Variants in CPEB1 observed in about 807,000 individuals in gnomAD.
The protein encoded by CPEB1 is cytoplasmic polyadenylation element-binding protein 1.
In CPEB1, 7 loss-of-function variants were observed where a neutral mutation model predicts 65.8. The observed-to-expected ratio is 0.11, with a 90% CI of 0.06 to 0.20. The LOEUF (loss-of-function observed/expected upper bound fraction) is 0.20, where lower values mean the gene tolerates loss of function less well. CPEB1 is among the 10% of genes least tolerant of loss of function. The pLI, the probability that CPEB1 is intolerant of heterozygous loss-of-function variation, is 1.00. For synonymous variants in CPEB1, 262 were observed against 260.0 expected, an observed-to-expected ratio of 1.01 and a Z score of -0.08; for missense variants, 551 against 712.2, an observed-to-expected ratio of 0.77 and a Z score of 2.58.
chr15:82,567,817 A>G (rs2039406325), intron 4 of CPEB1, among the ~76,000 whole-genome samples: 1 of 152,174 alleles, frequency 6.6e-6, no homozygotes, highest in African/African-American at 2.4e-5. Context: ...GGTCCCCCAC[A>G]GTAGTCTCAG....
intron 3 of CPEB1, among the ~76,000 whole-genome samples, chr15:82,577,940 A>C (rs2151084331): frequency 6.6e-6 from 1 of 152,152 alleles, no homozygotes; most frequent in East Asian, 2.0e-4. Context: ...GGAGATCGAG[A>C]CCATCCTGGC....
At chr15:82,642,603 A>C (rs939477845) in intron 1 of CPEB1, among the ~76,000 whole-genome samples, 1 of 152,192 alleles carries the variant, frequency 6.6e-6, no homozygotes, top group African/African-American at 2.4e-5. Flanking sequence ...AAAGGGTGCA[A>C]TCAGTGCTTC....
At chr15:82,635,358 G>A (rs1048779216) in intron 1 of CPEB1, among the ~76,000 whole-genome samples, 3 of 152,118 alleles carry the variant, frequency 2.0e-5, no homozygotes, top group African/African-American at 7.2e-5. Context: ...AAGTCTTCTA[G>A]CCAAATTTCT....
chr15:82,567,831 C>T (rs2039407470), intron 4 of CPEB1, among the ~76,000 whole-genome samples: 1 of 152,140 alleles, frequency 6.6e-6, no homozygotes, highest in African/African-American at 2.4e-5. Flanking sequence ...GTCTCAGTCA[C>T]CTCACTCTTC....
intron 7 of CPEB1, among the ~76,000 whole-genome samples, 154 bp downstream of exon 7, chr15:82,553,724 G>C (rs2036691738): frequency 6.6e-6 from 1 of 152,066 alleles, no homozygotes; most frequent in African/African-American, 2.4e-5. Context: ...GAGCACTATG[G>C]GGGTCTATGA....
At chr15:82,612,707 G>A (rs1052359583) in intron 3 of CPEB1, among the ~76,000 whole-genome samples, 11 of 148,598 alleles carry the variant, frequency 7.4e-5, no homozygotes, top group African/African-American at 1.7e-4. Flanking sequence ...GGTGGCAGGC[G>A]CCTGTAATCC....
intron 8 of CPEB1, 113 bp from the exon 9 acceptor site, chr15:82,552,729 C>A: frequency 1.6e-6 from 2 of 1,233,802 alleles, no homozygotes; most frequent in South Asian, 2.7e-5. Context: ...GTATAAGATA[C>A]ATTTTTGTTT....
At chr15:82,547,814 A>T (rs1407836020) in intron 10 of CPEB1, among the ~76,000 whole-genome samples, 2 of 151,912 alleles carry the variant, frequency 1.3e-5, no homozygotes, top group Non-Finnish European at 2.9e-5. Flanking sequence ...TGGGACTACA[A>T]GCATGAGCCA....
In CPEB1 at chr15:82,582,944, T is replaced by C. The variant is rs2041435358; in HGVS notation, c.272-11412A>G. On this transcript the variant is annotated intron_variant, in intron 3 of 12. Coordinates refer to ENST00000684509, the MANE Select transcript of CPEB1 (RefSeq NM_001365242.1). ...TTTTAGTAGAGATGGGGTTTCATCA[T>C]GTTAACCAGGATGGTCTTGATCTCC... Among the ~76,000 whole-genome samples, 5 of 152,004 alleles carry C rather than the reference T, an allele frequency of 3.3e-5. No homozygotes were observed. In the South Asian group the frequency reaches 1.0e-3, roughly 32 times the overall value.
intron 3 of CPEB1, among the ~76,000 whole-genome samples, chr15:82,572,305 A>T (rs1307417876): frequency 6.6e-6 from 1 of 152,204 alleles, no homozygotes; most frequent in Non-Finnish European, 1.5e-5. Flanking sequence ...CTTCAGAAAA[A>T]TACTGTACAC....
chr15:82,609,493 C>T (rs1193945404), intron 3 of CPEB1, among the ~76,000 whole-genome samples: 1 of 151,002 alleles, frequency 6.6e-6, no homozygotes, highest in Non-Finnish European at 1.5e-5. Context: ...AGAGCGAGAG[C>T]CTGTCTCAGA....
At chr15:82,637,795 G>A (rs919128331) in intron 1 of CPEB1, among the ~76,000 whole-genome samples, 3 of 151,910 alleles carry the variant, frequency 2.0e-5, no homozygotes, top group Non-Finnish European at 2.9e-5. Flanking sequence ...TTTGGTCTGA[G>A]GACTCCTTTA....
chr15:82,571,708 T>C, intron 3 of CPEB1, 176 bp from the exon 4 acceptor site: 9 of 1,431,072 alleles, frequency 6.3e-6, no homozygotes, highest in Non-Finnish European at 8.2e-6. Flanking sequence ...GCAAGAGCAG[T>C]TGCCATACAG....
chr15:82,625,090 T>C (rs1360567762), intron 3 of CPEB1, among the ~76,000 whole-genome samples: 2 of 152,162 alleles, frequency 1.3e-5, no homozygotes, highest in Non-Finnish European at 2.9e-5. Context: ...GCTCCAGCCT[T>C]AATTACAGGC....
chr15:82,599,904 A>G (rs1045136578), intron 3 of CPEB1, among the ~76,000 whole-genome samples: 1 of 152,358 alleles, frequency 6.6e-6, no homozygotes, highest in African/African-American at 2.4e-5. Flanking sequence ...TATACAATAC[A>G]TAAGGGAGAC....
intron 3 of CPEB1, chr15:82,572,035 C>G (rs182146226): frequency 1.1e-5 from 2 of 177,612 alleles, no homozygotes; most frequent in African/African-American, 4.8e-5. Context: ...CTGAAGTCCT[C>G]TCCGCCGACA....
At chr15:82,579,902 G>C (rs1158959595) in intron 3 of CPEB1, among the ~76,000 whole-genome samples, 51 of 109,930 alleles carry the variant, frequency 4.6e-4, no homozygotes, top group African/African-American at 1.7e-3. Flanking sequence ...CTGGGCGACA[G>C]AGTGAGACTC....
chr15:82,587,933 T>C (rs1015121317), intron 3 of CPEB1, among the ~76,000 whole-genome samples: 3 of 152,122 alleles, frequency 2.0e-5, no homozygotes, highest in African/African-American at 7.2e-5. Context: ...GTTTTTGTTT[T>C]TGTTTTGAGA....
chr15:82,638,736 A>G (rs1385651804), intron 1 of CPEB1: 2 of 152,208 alleles, frequency 1.3e-5, no homozygotes, highest in Non-Finnish European at 2.9e-5. Context: ...TATGAAGCAA[A>G]AGTACTTTAT....
Sources: allele counts gnomAD v4.1 joint callset (sites outside exome capture counted in the v4.1 genomes callset), GRCh38; gene constraint gnomAD v4.1.1; transcripts MANE v1.5; gene names NCBI Gene and HGNC (gene_info 2026-07-23, HGNC 2026-07-21).